UNC79: variants seen among roughly 807,000 people sequenced by gnomAD.
UNC79 encodes the protein protein unc-79 homolog.
In UNC79, 37 loss-of-function variants were observed where a neutral mutation model predicts 283.1. The ratio of observed to expected loss-of-function variants is 0.13; its 90% confidence interval spans 0.10 to 0.17. The LOEUF (loss-of-function observed/expected upper bound fraction) is 0.17. Ranked by LOEUF, UNC79 falls within the 10% of genes least tolerant of loss-of-function variation. The pLI is 1.00. For missense variants in UNC79, 2,272 were observed against 3,211.1 expected, an observed-to-expected ratio of 0.71 and a Z score of 7.07; for synonymous variants, 1,107 against 1,200.2, an observed-to-expected ratio of 0.92 and a Z score of 1.61.
At chr14:93,705,959 GC>G (rs1015893164) in intron 48 of UNC79, among the ~76,000 whole-genome samples, 84 of 152,312 alleles carry the variant, frequency 5.5e-4, no homozygotes, top group African/African-American at 1.9e-3. Flanking sequence ...ATTTGTGGCG[GC>G]CGTCGGGGGC....
chr14:93,508,015 T>C (rs778261587), intron 7 of UNC79, among the ~76,000 whole-genome samples: 1 of 152,190 alleles, frequency 6.6e-6, no homozygotes, highest in Non-Finnish European at 1.5e-5. Context: ...GGACTGTGTT[T>C]GTTTTCATTT....
intron 41 of UNC79, among the ~76,000 whole-genome samples, chr14:93,675,630 C>T (rs1333369132): frequency 1.3e-5 from 2 of 152,164 alleles, no homozygotes; most frequent in Non-Finnish European, 2.9e-5. Context: ...TGTTGAATAT[C>T]CACTGCCTGG....
chr14:93,479,687 T>G (rs560693490), intron 4 of UNC79, among the ~76,000 whole-genome samples: 1 of 152,278 alleles, frequency 6.6e-6, no homozygotes, highest in East Asian at 1.9e-4. Context: ...TGGGCTGGAG[T>G]GCAGTGGCAC....
At chr14:93,668,978 TAA>T (rs543609091) in intron 40 of UNC79, among the ~76,000 whole-genome samples, 10 of 79,914 alleles carry the variant, frequency 1.3e-4, no homozygotes, top group Admixed American at 3.1e-4. Context: ...GAACATTGTC[TAA>T]AAAAAAAAAA....
chr14:93,497,201 T>C (rs1401945704), exon 7 of UNC79: 1 of 1,613,530 alleles, frequency 6.2e-7, no homozygotes, highest in Non-Finnish European at 8.5e-7. Context: ...AAGTGAAGCC[T>C]CCAGCTGTGC....
At chr14:93,616,542 G>C (rs927381158) in intron 27 of UNC79, among the ~76,000 whole-genome samples, 2 of 151,694 alleles carry the variant, frequency 1.3e-5, no homozygotes, top group African/African-American at 4.8e-5. Flanking sequence ...TTAACTTATT[G>C]TATTTTTGGT....
intron 1 of UNC79, among the ~76,000 whole-genome samples, chr14:93,336,878 G>A (rs1038154070): frequency 3.3e-5 from 5 of 152,200 alleles, no homozygotes; most frequent in African/African-American, 1.2e-4. Context: ...AATCGCCAGT[G>A]TTGGAAGTGG....
intron 1 of UNC79, among the ~76,000 whole-genome samples, chr14:93,337,629 A>G (rs1464317059): frequency 1.3e-5 from 2 of 152,138 alleles, no homozygotes; most frequent in African/African-American, 4.8e-5. Flanking sequence ...TGCAGCCTGG[A>G]GTGGGGTGGT....
intron 1 of UNC79, among the ~76,000 whole-genome samples, chr14:93,404,205 G>A (rs1052063697): frequency 6.7e-5 from 10 of 148,982 alleles, no homozygotes; most frequent in South Asian, 2.1e-4. Flanking sequence ...ATGGGGAGTC[G>A]TATTCAGTTG....
intron 1 of UNC79, among the ~76,000 whole-genome samples, chr14:93,423,913 A>G (rs1356909529): frequency 6.6e-6 from 1 of 152,228 alleles, no homozygotes; most frequent in Admixed American, 6.5e-5. Flanking sequence ...AACAATCAAC[A>G]TAGTGAAGGG....
upstream of UNC79, among the ~76,000 whole-genome samples, chr14:93,425,705 A>G (rs943883725): frequency 1.3e-5 from 2 of 152,236 alleles, no homozygotes; most frequent in Admixed American, 6.5e-5. Flanking sequence ...ACACATAAAC[A>G]TAAACATAAA....
intron 7 of UNC79, among the ~76,000 whole-genome samples, chr14:93,501,686 CA>C (rs11308431): frequency 0.85 from 126,078 of 148,142 alleles, 53,603 homozygotes; most frequent in East Asian, 0.93. Flanking sequence ...GACTCCGTCT[CA>C]AAAAAAAAAA....
chr14:93,653,762 C>G (rs148490393), exon 36 of UNC79: 2 of 1,608,908 alleles, frequency 1.2e-6, no homozygotes, highest in Non-Finnish European at 1.7e-6. Flanking sequence ...CCCGGCAATG[C>G]GGCGGGGGTG....
rs886844696 is a variant in UNC79, at chr14:93,531,801, A to G, written c.1094-749A>G. 3.9e-5 allele frequency among the ~76,000 whole-genome samples: 6 copies of G among 152,226 alleles called. No individual in the cohort carries two copies. The highest frequency in any genetic ancestry group is 1.9e-4 in the East Asian group (1 of 5,204). On this transcript the variant is annotated intron_variant, in intron 10 of 48. Transcript: ENST00000555664. The surrounding 1 kb of genome is among the most constrained non-coding windows in gnomAD (Gnocchi z 4.2). ...ATGGGGAATTTGGAGACTTGAACTC[A>G]AGGTCTGCCCCTACCATTGATAGCT...
intron 4 of UNC79, 136 bp from the exon 5 acceptor site, chr14:93,487,527 T>C (rs1372525208): frequency 1.8e-5 from 11 of 626,740 alleles, no homozygotes; most frequent in Non-Finnish European, 2.7e-5. Context: ...TGTGGTTTCA[T>C]TTGTGCAAAA....
chr14:93,495,521 G>T (rs1230298091), intron 5 of UNC79, among the ~76,000 whole-genome samples: 3 of 152,080 alleles, frequency 2.0e-5, no homozygotes. Context: ...ATTGGCAAAT[G>T]GACAAGAAAA....
chr14:93,594,835 A>G (rs933243343), intron 23 of UNC79, among the ~76,000 whole-genome samples: 3 of 152,066 alleles, frequency 2.0e-5, no homozygotes, highest in Non-Finnish European at 4.4e-5. Flanking sequence ...TTCTCAGAAC[A>G]GTTCTGTAGG....
intron 1 of UNC79, among the ~76,000 whole-genome samples, chr14:93,460,372 T>C (rs576253429): frequency 1.3e-5 from 2 of 151,786 alleles, no homozygotes; most frequent in Non-Finnish European, 2.9e-5. Flanking sequence ...TAGTCGGGTG[T>C]GGTGGCGTGC....
intron 20 of UNC79, 143 bp from the exon 21 acceptor site, chr14:93,586,453 G>A: frequency 3.1e-6 from 2 of 647,072 alleles, no homozygotes; most frequent in Non-Finnish European, 5.3e-6. Flanking sequence ...TGCTAATGTG[G>A]AGAGCAGATA....
Sources: gnomAD v4.1 joint callset for allele counts (sites outside exome capture counted in the v4.1 genomes callset) on GRCh38, gnomAD v4.1.1 for gene constraint, Gnocchi (gnomAD v3.1) non-coding constraint, MANE v1.5 for transcripts, NCBI Gene and HGNC (gene_info 2026-07-23, HGNC 2026-07-21) for gene names.